The following SLC30A5 variants were observed in gnomAD, a reference collection of about 807,000 sequenced individuals.
The protein encoded by SLC30A5 is proton-coupled zinc antiporter SLC30A5.
SLC30A5 carries 33 observed loss-of-function variants against 79.6 expected under a neutral mutation model. The ratio of observed to expected loss-of-function variants is 0.41; its 90% confidence interval spans 0.31 to 0.55. The LOEUF (loss-of-function observed/expected upper bound fraction) is 0.55, where lower values mean the gene tolerates loss of function less well. SLC30A5 is among the 20% of genes least tolerant of loss of function. The pLI is 0.20. For missense variants in SLC30A5, 788 were observed against 928.1 expected (o/e 0.85, Z 1.96); for synonymous variants, 299 against 319.7 (o/e 0.94, Z 0.69).
At chr5:69,108,010 G>A (rs1170272286) in intron 4 of SLC30A5, among the ~76,000 whole-genome samples, 1 of 152,216 alleles carries the variant, frequency 6.6e-6, no homozygotes, top group East Asian at 1.9e-4. Context: ...GATTATAGGT[G>A]TGAGCCACCA....
chr5:69,118,002 C>T (rs1266116882), intron 11 of SLC30A5, among the ~76,000 whole-genome samples: 6 of 151,066 alleles, frequency 4.0e-5, no homozygotes, highest in Non-Finnish European at 8.8e-5. Context: ...GGTGAAACCC[C>T]GTCTCTACTA....
At chr5:69,097,052 CAG>C (rs1745757298) in intron 1 of SLC30A5, among the ~76,000 whole-genome samples, 2 of 149,700 alleles carry the variant, frequency 1.3e-5, no homozygotes, top group African/African-American at 2.5e-5. Context: ...TAGAAAAAAA[CAG>C]AACACAAAAA....
At chr5:69,123,567 A>G (rs1746593991) in intron 14 of SLC30A5, 142 bp downstream of exon 14, 3 of 643,732 alleles carry the variant, frequency 4.7e-6, no homozygotes, top group Admixed American at 2.9e-5. Context: ...TTAAAATTTA[A>G]TAAGTTGACC....
intron 11 of SLC30A5, among the ~76,000 whole-genome samples, chr5:69,118,037 C>T (rs1436908277): frequency 1.4e-5 from 2 of 144,772 alleles, no homozygotes; most frequent in Admixed American, 7.0e-5. Flanking sequence ...ATTAGCCGGG[C>T]GTAGTGGCAG....
intron 14 of SLC30A5, among the ~76,000 whole-genome samples, chr5:69,126,392 T>C (rs10056618): frequency 0.41 from 62,148 of 152,020 alleles, 12,935 homozygotes; most frequent in East Asian, 0.53. Context: ...GCTCAAGCTT[T>C]GGCCTTCCAA....
Position 69,098,239 on chromosome 5 carries a change from G to A in SLC30A5, c.84-2568G>A, listed in dbSNP as rs138965755. Among the ~76,000 whole-genome samples, 40 of 151,180 alleles carry A rather than the reference G, an allele frequency of 2.6e-4. No homozygotes were observed. In the South Asian group the frequency reaches 7.3e-3, roughly 28 times the overall value. On this transcript the variant is annotated intron_variant, in intron 1 of 15. Transcript: ENST00000396591. ...AGGTTTAGAAAATTCCCTGGTTCTC[G>A]CCAGGCGCGGTGGCTCATGCCTGTA...
chr5:69,111,045 G>GT (rs1746216589), intron 5 of SLC30A5, among the ~76,000 whole-genome samples: 1 of 151,118 alleles, frequency 6.6e-6, no homozygotes, highest in Admixed American at 6.6e-5. Context: ...CCAGGCTGGA[G>GT]TGCAGTGGCA....
chr5:69,094,538 C>A (rs1233208048), intron 1 of SLC30A5, among the ~76,000 whole-genome samples, 200 bp downstream of exon 1: 1 of 152,036 alleles, frequency 6.6e-6, no homozygotes, highest in African/African-American at 2.4e-5. Context: ...GGCGCTAAAG[C>A]CAAAAAGCTT....
At chr5:69,128,668 TTTAA>T (rs1236962798) in intron 15 of SLC30A5, among the ~76,000 whole-genome samples, 3 of 152,192 alleles carry the variant, frequency 2.0e-5, no homozygotes, top group Non-Finnish European at 4.4e-5. Context: ...GAGGATAAGC[TTTAA>T]TTAATATAAA....
rs544590645 is a variant in SLC30A5, at chr5:69,126,320, G to C, written c.1999-1684G>C. On this transcript the variant is annotated intron_variant, in intron 14 of 15. Transcript: ENST00000396591. ...GGTTTTTTTAAGTTTTTGTTTGTTT[G>C]TTTTGTTTTTAAATAGAGCTGGGGT... Among the ~76,000 whole-genome samples the C allele has an allele frequency of 3.9e-5, 6 of 152,164 alleles. No individual in the cohort carries two copies. In the East Asian group the frequency reaches 1.2e-3, roughly 29 times the overall value.
chr5:69,121,713 T>G lies in SLC30A5; in HGVS notation c.1589T>G (p.Leu530Arg). Reference protein sequence around the residue: ...HMLTPVSVGGLIVNLIGICAF... With the variant: ...HMLTPVSVGGRIVNLIGICAF... Reference sequence around the variant, plus strand: ...TGCTAGCCAGTCTCAGTTGGAGGGCTGATAGTAAACCTTATTGGTATCTGT... The same window carrying G: ...TGCTAGCCAGTCTCAGTTGGAGGGCGGATAGTAAACCTTATTGGTATCTGT... The change falls in exon 13 of 16, where the codon CTG (leucine) becomes CGG (arginine). Residue 530 changes from leucine to arginine, a missense_variant. Coordinates refer to ENST00000396591, the MANE Select transcript of SLC30A5 (RefSeq NM_022902.5). The G allele has an allele frequency of 6.2e-7, 1 of 1,611,372 alleles. No homozygotes were observed.
rs759604420 is a variant in SLC30A5, at chr5:69,117,213, C to T, written c.1282-26C>T. 1.8e-5 allele frequency: 28 copies of T among 1,568,910 alleles called. No individual in the cohort carries two copies. The Admixed American group carries it at 3.9e-4, about 22-fold the overall frequency. On this transcript the variant is annotated intron_variant, in intron 10 of 15. Coordinates refer to ENST00000396591, the MANE Select transcript of SLC30A5 (RefSeq NM_022902.5). The stretch of plus-strand genomic sequence containing the variant: ...TTGAAACAGTGCCCAACATACTCCT[C>T]CCTTTTTTTTTGGTGACATTTTTAG...
chr5:69,108,560 G>A (rs1384523843), intron 5 of SLC30A5, 124 bp downstream of exon 5: 25 of 778,448 alleles, frequency 3.2e-5, no homozygotes, highest in East Asian at 1.6e-4. Flanking sequence ...GATGGCTCAC[G>A]CCTGTAATCC....
In SLC30A5 at chr5:69,121,683, C is replaced by G. The variant is rs1399066648; in HGVS notation, c.1570-11C>G. The G allele has an allele frequency of 6.4e-7, 1 of 1,570,796 alleles. No homozygotes were observed. Among genetic ancestry groups the G allele is most frequent in the African/African-American group, 1.4e-5 (1 of 72,562 alleles). ...TACTAATTTAAAGGTTTTTTTTCTC[C>G]CTTTTGCTAGCCAGTCTCAGTTGGA... On this transcript the variant is annotated splice_polypyrimidine_tract_variant and intron_variant, in intron 12 of 15. Transcript: ENST00000396591.
intron 2 of SLC30A5, among the ~76,000 whole-genome samples, chr5:69,101,925 C>G (rs1745933028): frequency 6.6e-6 from 1 of 150,822 alleles, no homozygotes; most frequent in Non-Finnish European, 1.5e-5. Flanking sequence ...CCACTGCACT[C>G]CAGCCTGGGC....
intron 1 of SLC30A5, among the ~76,000 whole-genome samples, chr5:69,094,606 C>G (rs574746815): frequency 3.9e-5 from 6 of 152,260 alleles, no homozygotes; most frequent in African/African-American, 1.4e-4. Context: ...CCCGCCAGTT[C>G]ACGTGAGAGG....
At position 69,115,331 on chromosome 5, in the gene SLC30A5, G is replaced by A. The variant is rs142546554; in HGVS notation, c.707G>A (p.Arg236His). ...KLSVDVGGAK[R>H]LQALSHLVSV... Reference sequence around the variant, plus strand: ...TCTGTCGACGTTGGTGGAGCTAAACGTCTTCAAGCTTTATCTCATCTTGTT... The same window carrying A: ...TCTGTCGACGTTGGTGGAGCTAAACATCTTCAAGCTTTATCTCATCTTGTT... The change falls in exon 8 of 16, where the codon CGT becomes CAT. Residue 236 changes from arginine (R) to histidine (H), a missense_variant. By Grantham distance (29) the Arg-to-His change is conservative. Coordinates refer to ENST00000396591, the MANE Select transcript of SLC30A5 (RefSeq NM_022902.5). The A allele has an allele frequency of 3.7e-5, 59 of 1,613,908 alleles. No individual in the cohort carries two copies. Among genetic ancestry groups the A allele is most frequent in the Middle Eastern group, 1.6e-4 (1 of 6,062 alleles).
rs972692213 is a variant in SLC30A5 at position 69,123,264 on chromosome 5, A to G, written c.1837A>G (p.Ile613Val). The change falls in exon 14 of 16, where the codon ATA becomes GTA. Residue 613 changes from isoleucine (I) to valine (V), a missense_variant. Around this residue, in one of 3 missense-constraint regions of SLC30A5, gnomAD observed 626 missense variants for 755.5 expected, o/e 0.83. Coordinates refer to ENST00000396591, the MANE Select transcript of SLC30A5 (RefSeq NM_022902.5). Reference protein sequence around the residue: ...SIGVIVSTVLIEQFGWFIADP... With the variant: ...SIGVIVSTVLVEQFGWFIADP... Reference sequence around the variant, plus strand: ...TGGTGTGATCGTATCCACAGTTCTTATAGAGCAGTTTGGATGGTTCATCGC... The same window carrying G: ...TGGTGTGATCGTATCCACAGTTCTTGTAGAGCAGTTTGGATGGTTCATCGC... 1.2e-6 allele frequency: 2 copies of G among 1,614,088 alleles called. No homozygotes were observed. The highest frequency in any genetic ancestry group is 1.7e-6 in the Non-Finnish European group (2 of 1,180,002).
chr5:69,103,899 G>C, intron 3 of SLC30A5: 1 of 1,261,400 alleles, frequency 7.9e-7, no homozygotes, highest in Non-Finnish European at 1.1e-6. Flanking sequence ...CAGAGACCAA[G>C]AACATTTTTT....
Sources: gnomAD v4.1 joint callset for allele counts (sites outside exome capture counted in the v4.1 genomes callset) on GRCh38, gnomAD v4.1.1 for gene constraint, gnomAD v4.1.1 regional missense constraint, MANE v1.5 for transcripts, NCBI Gene and HGNC (gene_info 2026-07-23, HGNC 2026-07-21) for gene names.